Variants in DAB1 observed in about 807,000 individuals in gnomAD.
DAB1 encodes DAB adaptor protein 1, also known as disabled homolog 1.
A neutral mutation model predicts 64.6 loss-of-function variants in DAB1; 15 were observed. That is an observed-to-expected ratio of 0.23 (90% CI 0.16 to 0.36). DAB1 has a LOEUF of 0.36. Among genes scored for constraint, DAB1 ranks in the 10% least tolerant of loss-of-function variants. DAB1 has a pLI of 1.00. For missense variants in DAB1, 596 were observed against 706.7 expected (o/e 0.84, Z 1.78); for synonymous variants, 235 against 251.9 (o/e 0.93, Z 0.64).
intron 6 of DAB1, among the ~76,000 whole-genome samples, chr1:57,738,993 T>C (rs1647830682): frequency 6.6e-6 from 1 of 152,228 alleles, no homozygotes; most frequent in Non-Finnish European, 1.5e-5. Context: ...AAATCACTTA[T>C]GCACATCACA....
intron 4 of DAB1, among the ~76,000 whole-genome samples, chr1:58,236,408 T>TC: frequency 6.6e-6 from 1 of 151,990 alleles, no homozygotes; most frequent in South Asian, 2.1e-4. Flanking sequence ...CGAGTGTCGA[T>TC]CGGAAAGACG....
Position 57,072,370 on chromosome 1 carries a change from T to G in DAB1, c.351A>C (p.Ala117=). Residue 117 remains alanine, a synonymous_variant, in exon 5 of 15, where the codon GCA becomes GCC. Coordinates refer to ENST00000371236, the MANE Select transcript of DAB1 (RefSeq NM_001365792.1). The part of the protein sequence containing the change: ...HHAVHEISYI[A]KDITDHRAFG... Reference sequence around the variant, plus strand: ...AGGCCCGGTGATCTGTAATGTCCTTTGCAATGTAGGATATTTCATGAACAG... The same window carrying G: ...AGGCCCGGTGATCTGTAATGTCCTTGGCAATGTAGGATATTTCATGAACAG... 6.2e-7 allele frequency: 1 copy of G among 1,613,760 alleles called. No individual in the cohort carries two copies. Among genetic ancestry groups the G allele is most frequent in the Non-Finnish European group, 8.5e-7 (1 of 1,179,722 alleles).
chr1:58,063,024 T>C (rs1648602052), intron 5 of DAB1, among the ~76,000 whole-genome samples: 1 of 152,210 alleles, frequency 6.6e-6, no homozygotes, highest in African/African-American at 2.4e-5. Context: ...GGGATTACCA[T>C]GTGCAAAGCA....
At chr1:57,567,123 T>C (rs1645132579) in intron 7 of DAB1, among the ~76,000 whole-genome samples, 1 of 152,204 alleles carries the variant, frequency 6.6e-6, no homozygotes, top group Non-Finnish European at 1.5e-5. Flanking sequence ...TGGTTCAACA[T>C]ATACAAATCA....
At chr1:57,371,546 C>T (rs1680496493) in intron 1 of DAB1, among the ~76,000 whole-genome samples, 1 of 152,128 alleles carries the variant, frequency 6.6e-6, no homozygotes, top group African/African-American at 2.4e-5. Context: ...TGATTTATTT[C>T]TCTTATTCAC....
At chr1:57,002,240 A>G (rs1645895963) in intron 14 of DAB1, among the ~76,000 whole-genome samples, 1 of 152,220 alleles carries the variant, frequency 6.6e-6, no homozygotes, top group South Asian at 2.1e-4. Flanking sequence ...AAAGAGCTAA[A>G]GCACAGGAGA....
At chr1:57,780,027 C>G (rs1254749140) in intron 6 of DAB1, among the ~76,000 whole-genome samples, 1 of 152,118 alleles carries the variant, frequency 6.6e-6, no homozygotes, top group Admixed American at 6.6e-5. Context: ...AAAAGTCGTA[C>G]TTAATTAAAT....
chr1:58,406,263 G>A (rs2100567926), intron 3 of DAB1, among the ~76,000 whole-genome samples: 1 of 152,256 alleles, frequency 6.6e-6, no homozygotes, highest in South Asian at 2.1e-4. Context: ...CAGACCGTAG[G>A]AGACACAGAA....
In DAB1 at chr1:58,406,379, C is replaced by T. The variant is rs373341415; in HGVS notation, n.258-62976G>A. ...ACCTGTAATTGGCACAGCCCTGTCG[C>T]ATCTCCCTCAATTTGTAACAGGGCA... On this transcript the variant is annotated intron_variant and non_coding_transcript_variant, in intron 3 of 20. Coordinates refer to the DAB1 transcript ENST00000485760. Among the ~76,000 whole-genome samples the T allele has an allele frequency of 7.4e-4, 113 of 152,356 alleles. 1 individual carries two copies. In the South Asian group the frequency reaches 0.023, roughly 30 times the overall value.
chr1:57,407,724 A>G (rs1390667399), intron 1 of DAB1, among the ~76,000 whole-genome samples: 9 of 151,816 alleles, frequency 5.9e-5, no homozygotes, highest in Admixed American at 5.9e-4. Context: ...CATCCTGTCT[A>G]TCTGGTAGGA....
intron 1 of DAB1, among the ~76,000 whole-genome samples, chr1:57,358,698 G>A (rs1162091054): frequency 6.6e-6 from 1 of 151,944 alleles, no homozygotes; most frequent in African/African-American, 2.4e-5. Flanking sequence ...GAACAAAACT[G>A]GAGGCATCAC....
chr1:57,255,018 A>T (rs197647), intron 2 of DAB1, among the ~76,000 whole-genome samples: 12 of 151,822 alleles, frequency 7.9e-5, no homozygotes, highest in Non-Finnish European at 1.6e-4. Context: ...TTTTCTTTTT[A>T]GTGTTGAATC....
At chr1:57,188,893 T>C (rs1377733979) in intron 2 of DAB1, among the ~76,000 whole-genome samples, 2 of 152,194 alleles carry the variant, frequency 1.3e-5, no homozygotes, top group Non-Finnish European at 2.9e-5. Flanking sequence ...AAAAATTTTC[T>C]CACTTAATCT....
intron 4 of DAB1, among the ~76,000 whole-genome samples, chr1:57,114,761 G>T (rs1655961505): frequency 6.6e-6 from 1 of 152,162 alleles, no homozygotes; most frequent in East Asian, 1.9e-4. Context: ...AAGAAGTTGA[G>T]AACCCTTCTG....
At chr1:58,450,246 T>C (rs1645117645) in intron 3 of DAB1, among the ~76,000 whole-genome samples, 1 of 152,182 alleles carries the variant, frequency 6.6e-6, no homozygotes, top group African/African-American at 2.4e-5. Context: ...TGTTGGTGAA[T>C]TTCCTGTTGA....
At chr1:57,684,596 C>A (rs1053286616) in intron 6 of DAB1, among the ~76,000 whole-genome samples, 1 of 152,124 alleles carries the variant, frequency 6.6e-6, no homozygotes, top group Non-Finnish European at 1.5e-5. Context: ...AGATCAGTCA[C>A]ACAAGAGCAA....
At chr1:58,258,671 T>A (rs1660986865) in intron 4 of DAB1, among the ~76,000 whole-genome samples, 1 of 152,178 alleles carries the variant, frequency 6.6e-6, no homozygotes, top group African/African-American at 2.4e-5. Context: ...AGACGAAGGT[T>A]TGGCAGTTAG....
chr1:58,389,964 G>C (rs915691694), intron 3 of DAB1, among the ~76,000 whole-genome samples: 3 of 151,950 alleles, frequency 2.0e-5, no homozygotes, highest in African/African-American at 7.3e-5. Context: ...AGGATGGGGG[G>C]CAGGCATAAG....
chr1:57,167,914 TAAC>T (rs1661356993), intron 2 of DAB1, among the ~76,000 whole-genome samples: 1 of 152,216 alleles, frequency 6.6e-6, no homozygotes, highest in South Asian at 2.1e-4. Context: ...ATAATGTAGG[TAAC>T]ATTTGTCCAG....
Sources: allele counts gnomAD v4.1 joint callset (sites outside exome capture counted in the v4.1 genomes callset), GRCh38; gene constraint gnomAD v4.1.1; transcripts MANE v1.5; gene names NCBI Gene and HGNC (gene_info 2026-07-23, HGNC 2026-07-21).